GPC6: variants seen among roughly 807,000 people sequenced by gnomAD.
GPC6 encodes the protein glypican-6.
GPC6 carries 14 observed loss-of-function variants against 55.2 expected under a neutral mutation model. That is an observed-to-expected ratio of 0.25 (90% CI 0.17 to 0.40). The LOEUF (loss-of-function observed/expected upper bound fraction) is 0.40, where lower values mean the gene tolerates loss of function less well. Ranked by LOEUF, GPC6 falls within the 10% of genes least tolerant of loss-of-function variation. GPC6 has a pLI of 1.00. For missense variants in GPC6, 641 were observed against 708.5 expected (o/e 0.90, Z 1.08); for synonymous variants, 278 against 259.6 (o/e 1.07, Z -0.68).
chr13:93,432,927 A>G (rs1397530245), intron 1 of GPC6, among the ~76,000 whole-genome samples: 1 of 142,666 alleles, frequency 7.0e-6, no homozygotes, highest in African/African-American at 2.7e-5. Context: ...GAGATAGAAT[A>G]GGAGAAGGAG....
chr13:93,509,282 T>C (rs1247753767), intron 1 of GPC6, among the ~76,000 whole-genome samples: 2 of 152,204 alleles, frequency 1.3e-5, no homozygotes, highest in African/African-American at 2.4e-5. Flanking sequence ...TGTTAAAAGC[T>C]GTTTCCAAAA....
Position 94,225,414 on chromosome 13 carries a change from A to G in GPC6, c.878-60935A>G, listed in dbSNP as rs1043369525. On this transcript the variant is annotated intron_variant, in intron 4 of 8. Coordinates refer to ENST00000377047, the MANE Select transcript of GPC6 (RefSeq NM_005708.5). ...TCTTTCTTCAATGTTGGCAGAATTCACATTACTCTCATACGGACTTTTTTC... is the reference window on the plus strand; with the variant it reads ...TCTTTCTTCAATGTTGGCAGAATTCGCATTACTCTCATACGGACTTTTTTC... 1.8e-4 allele frequency among the ~76,000 whole-genome samples: 27 copies of G among 152,214 alleles called. 1 individual carries two copies. In the South Asian group the frequency reaches 4.1e-3, roughly 23 times the overall value.
chr13:93,609,937 G>GATAGTGT (rs748433148), intron 2 of GPC6, among the ~76,000 whole-genome samples: 71 of 152,216 alleles, frequency 4.7e-4, no homozygotes, highest in Non-Finnish European at 8.4e-4. Flanking sequence ...TTTTGATTCT[G>GATAGTGT]ATAGTGTAGT....
intron 3 of GPC6, among the ~76,000 whole-genome samples, chr13:93,926,099 C>G (rs191310406): frequency 6.6e-6 from 1 of 152,256 alleles, no homozygotes; most frequent in South Asian, 2.1e-4. Flanking sequence ...AAGGTGGAAG[C>G]CTTAGTGATT....
intron 4 of GPC6, among the ~76,000 whole-genome samples, chr13:94,176,126 G>A (rs539554878): frequency 5.7e-4 from 87 of 151,816 alleles, no homozygotes; most frequent in Non-Finnish European, 1.1e-3. Flanking sequence ...TCTCCTCCCA[G>A]TTAATATTTC....
intron 3 of GPC6, among the ~76,000 whole-genome samples, chr13:93,973,767 T>G (rs1453984516): frequency 6.6e-6 from 1 of 152,174 alleles, no homozygotes; most frequent in Non-Finnish European, 1.5e-5. Flanking sequence ...TTTAGAGAGA[T>G]GATCGATTCT....
At chr13:93,402,723 C>T (rs1291214631) in intron 1 of GPC6, among the ~76,000 whole-genome samples, 1 of 152,132 alleles carries the variant, frequency 6.6e-6, no homozygotes, top group South Asian at 2.1e-4. Context: ...GAGCCTTTCC[C>T]TCCTGGTCTA....
intron 4 of GPC6, among the ~76,000 whole-genome samples, chr13:94,058,111 C>CT (rs1172259178): frequency 6.6e-6 from 1 of 152,156 alleles, no homozygotes; most frequent in Admixed American, 6.6e-5. Context: ...AAACCTTTGC[C>CT]TTTACGGAAG....
chr13:93,337,096 T>C (rs1266662446), intron 1 of GPC6, among the ~76,000 whole-genome samples: 1 of 152,230 alleles, frequency 6.6e-6, no homozygotes, highest in East Asian at 1.9e-4. Context: ...CAGTGTCCTG[T>C]TCCAGTGGCC....
At chr13:93,634,134 T>G (rs1879596548) in intron 2 of GPC6, among the ~76,000 whole-genome samples, 3 of 152,202 alleles carry the variant, frequency 2.0e-5, no homozygotes, top group African/African-American at 7.2e-5. Flanking sequence ...CCTGTTTTAA[T>G]TTTTAAATTA....
intron 1 of GPC6, among the ~76,000 whole-genome samples, chr13:93,538,800 A>G (rs1882167081): frequency 6.6e-6 from 1 of 152,204 alleles, no homozygotes; most frequent in Admixed American, 6.5e-5. Flanking sequence ...TTCCTTCAGG[A>G]AAGATTTTCT....
At chr13:93,290,298 A>G (rs1186751959) in intron 1 of GPC6, among the ~76,000 whole-genome samples, 1 of 152,144 alleles carries the variant, frequency 6.6e-6, no homozygotes, top group Non-Finnish European at 1.5e-5. Context: ...AAGAGAATAG[A>G]GGGATGATAT....
At chr13:93,226,543 T>C (rs1206484552), upstream of GPC6, 1 of 152,202 alleles carries the variant, frequency 6.6e-6, no homozygotes, top group East Asian at 1.9e-4. Flanking sequence ...AGAGCAACAA[T>C]TGGAACTGCG....
intron 1 of GPC6, among the ~76,000 whole-genome samples, chr13:93,294,928 CATTT>C (rs1006848200): frequency 1.3e-5 from 2 of 151,688 alleles, no homozygotes; most frequent in African/African-American, 4.8e-5. Flanking sequence ...ATTGTGTTTT[CATTT>C]GTTTTCTTGA....
At chr13:93,444,083 T>G (rs1877905506) in intron 1 of GPC6, among the ~76,000 whole-genome samples, 1 of 152,146 alleles carries the variant, frequency 6.6e-6, no homozygotes, top group African/African-American at 2.4e-5. Flanking sequence ...TCAACATTTA[T>G]TAGTGAATCT....
intron 3 of GPC6, among the ~76,000 whole-genome samples, chr13:93,943,972 C>T (rs548541944): frequency 6.6e-6 from 1 of 152,176 alleles, no homozygotes; most frequent in African/African-American, 2.4e-5. Context: ...GTTACAGATC[C>T]CACACCTGAA....
At chr13:93,957,286 G>A (rs1173727462) in intron 3 of GPC6, among the ~76,000 whole-genome samples, 1 of 152,102 alleles carries the variant, frequency 6.6e-6, no homozygotes, top group South Asian at 2.1e-4. Context: ...GATATAGGGG[G>A]TACACGTACA....
intron 3 of GPC6, among the ~76,000 whole-genome samples, chr13:93,894,069 A>G (rs1009154303): frequency 2.6e-5 from 4 of 152,188 alleles, no homozygotes; most frequent in African/African-American, 9.6e-5. Context: ...TGTGGTCACT[A>G]TGATGATACT....
chr13:93,354,349 A>ATTTTTTT (rs11454186), intron 1 of GPC6, among the ~76,000 whole-genome samples: 6,354 of 115,446 alleles, frequency 0.055, 474 homozygotes, highest in East Asian at 0.32. Context: ...CCGTTGGTAG[A>ATTTTTTT]TTTTTTTTTT....
Sources: allele counts gnomAD v4.1 joint callset (sites outside exome capture counted in the v4.1 genomes callset), GRCh38; gene constraint gnomAD v4.1.1; transcripts MANE v1.5; gene names NCBI Gene and HGNC (gene_info 2026-07-23, HGNC 2026-07-21).